GOLGA6L2: variants seen among roughly 807,000 people sequenced by gnomAD.
GOLGA6L2 encodes the protein golgin subfamily A member 6-like protein 2.
A neutral mutation model predicts 35.9 loss-of-function variants in GOLGA6L2; 30 were observed. The observed-to-expected ratio is 0.83, with a 90% confidence interval of 0.62 to 1.13. The LOEUF (loss-of-function observed/expected upper bound fraction) is 1.13. GOLGA6L2 is among the 50% of genes most tolerant of loss of function. The pLI is 0.00. For missense variants in GOLGA6L2, 821 were observed against 973.4 expected (o/e 0.84, Z 2.08); for synonymous variants, 297 against 344.0 (o/e 0.86, Z 1.51).
chr15:23,443,115 C>T (rs2070716204), intron 5 of GOLGA6L2, among the ~76,000 whole-genome samples: 1 of 152,164 alleles, frequency 6.6e-6, no homozygotes, highest in East Asian at 1.9e-4. Context: ...TAAATGGTTG[C>T]CTAAGATCAC....
Position 23,439,758 on chromosome 15 carries a change from T to G in GOLGA6L2, c.2717A>C (p.Gln906Pro), listed in dbSNP as rs1200477342. ...GTGTGGCTCATATTACAAAGAACTT[T>G]GGAGGGAGGGAGGCAGGGCTCTGAG... ...AVLRALPPSL[Q>P]SSL The change falls in exon 8 of 8, where the codon CAA becomes CCA. Residue 906 changes from glutamine (Q) to proline (P), a missense_variant. Physicochemically the swap from Gln to Pro is moderately conservative, Grantham distance 76. This residue lies in a region of GOLGA6L2 where 48 missense variants were observed against 42.7 expected (regional missense o/e 1.12). Coordinates refer to ENST00000567107, the MANE Select transcript of GOLGA6L2 (RefSeq NM_001304388.2). The G allele has an allele frequency of 3.3e-6, 5 of 1,535,782 alleles. No homozygotes were observed. In the African/African-American group the frequency reaches 4.1e-5, roughly 13 times the overall value.
chr15:23,443,855 C>T lies in GOLGA6L2; in HGVS notation c.513G>A (p.Leu171=). The T allele has an allele frequency of 1.3e-6, 2 of 1,540,726 alleles. No individual in the cohort carries two copies. Among genetic ancestry groups the T allele is most frequent in the Non-Finnish European group, 8.7e-7 (1 of 1,149,550 alleles). ...CTCCTGCAAAGTGCCAGGAATGATGCAAGCGGCCGGCGAGATCCTTGGACT... is the reference window on the plus strand; with the variant it reads ...CTCCTGCAAAGTGCCAGGAATGATGTAAGCGGCCGGCGAGATCCTTGGACT... ...PGESKDLAGR[L]HHSWHFAGEL... Residue 171 remains leucine, a synonymous_variant, in exon 5 of 8, where the codon TTG becomes TTA. Coordinates refer to ENST00000567107, the MANE Select transcript of GOLGA6L2 (RefSeq NM_001304388.2).
Position 23,439,455 on chromosome 15 carries a change from T to C in GOLGA6L2, c.*290A>G. On this transcript the variant is annotated 3_prime_UTR_variant, in exon 8 of 8. Coordinates refer to ENST00000567107, the MANE Select transcript of GOLGA6L2 (RefSeq NM_001304388.2). ...AAAGTAAATTTTCTTTTCTTTTTTTTTTTTTTTTTCAAGTTTGTGCTCAGA... is the reference window on the plus strand; with the variant it reads ...AAAGTAAATTTTCTTTTCTTTTTTTCTTTTTTTTTCAAGTTTGTGCTCAGA... 2.9e-6 allele frequency: 2 copies of C among 681,190 alleles called. No individual in the cohort carries two copies. Among genetic ancestry groups the C allele is most frequent in the South Asian group, 2.2e-5 (1 of 44,674 alleles). 42.2% of individuals were successfully genotyped at this position (681,190 alleles called of 1,614,324 possible).
intron 3 of GOLGA6L2, 92 bp downstream of exon 3, chr15:23,444,379 C>A: frequency 6.6e-7 from 1 of 1,506,850 alleles, no homozygotes; most frequent in South Asian, 1.1e-5. Flanking sequence ...GCCTTCTTCC[C>A]CAAGCTGGGA....
chr15:23,441,096 C>T lies in GOLGA6L2; in HGVS notation c.1379G>A (p.Arg460Gln), dbSNP rs1314297928. The part of the protein sequence containing the change: ...ERIREREKKM[R>Q]EEEETMREQE... ...CTCCCGCATCGTCTCCTCCTCTTCCCGCATCTTCTTCTCCCGCTCCCGTAT... is the reference window on the plus strand; with the variant it reads ...CTCCCGCATCGTCTCCTCCTCTTCCTGCATCTTCTTCTCCCGCTCCCGTAT... The change falls in exon 8 of 8, where the codon CGG becomes CAG. Residue 460 changes from arginine (R) to glutamine (Q), a missense_variant. By Grantham distance (43) the Arg-to-Gln change is conservative. Transcript: ENST00000567107. 18 of 1,531,140 alleles carry T rather than the reference C, an allele frequency of 1.2e-5. No homozygotes were observed. The East Asian group carries it at 1.2e-4, about 11-fold the overall frequency. 94.8% of individuals were successfully genotyped at this position (1,531,140 alleles called of 1,614,324 possible). A position where few individuals can be genotyped will look rare whatever the true frequency, so the allele number is the denominator to read the frequency against.
At chr15:23,442,414 C>T in intron 6 of GOLGA6L2, 36 bp downstream of exon 6, 1 of 1,552,144 alleles carries the variant, frequency 6.4e-7, no homozygotes, top group Non-Finnish European at 8.7e-7. Flanking sequence ...ACGCTAAGGG[C>T]CCCCAGACCT....
rs1566737159 is a variant in GOLGA6L2 at position 23,440,731 on chromosome 15, C to CTCCCACATCCTCTCCTCCTGG, written c.1723_1743dup (p.Pro575_Gly581dup). 3 of 1,511,254 alleles carry CTCCCACATCCTCTCCTCCTGG rather than the reference C, an allele frequency of 2.0e-6. No individual in the cohort carries two copies. The highest frequency in any genetic ancestry group is 2.5e-5 in the East Asian group (1 of 39,296). 93.6% of individuals were successfully genotyped at this position (1,511,254 alleles called of 1,614,324 possible). ...CCTTCTCCCGCAGCCTCTCGTCCTGCTCCCACATCCTCTCCTCCTGGTCCC... is the reference window on the plus strand; with the variant it reads ...CCTTCTCCCGCAGCCTCTCGTCCTGCTCCCACATCCTCTCCTCCTGGTCCCACATCCTCTCCTCCTGGTCCC... On this transcript the variant is annotated inframe_insertion, in exon 8 of 8. Coordinates refer to ENST00000567107, the MANE Select transcript of GOLGA6L2 (RefSeq NM_001304388.2).
chr15:23,443,417 T>G (rs1021579167), intron 5 of GOLGA6L2, among the ~76,000 whole-genome samples: 2 of 152,092 alleles, frequency 1.3e-5, no homozygotes, highest in Non-Finnish European at 2.9e-5. Flanking sequence ...TGCACACTTA[T>G]GTGTGTTCCC....
intron 4 of GOLGA6L2, 24 bp from the exon 5 acceptor site, chr15:23,444,097 T>C: frequency 4.4e-6 from 7 of 1,583,088 alleles, no homozygotes; most frequent in Non-Finnish European, 6.0e-6. Context: ...GACAAGCAAG[T>C]GCTGAAAGAG....
chr15:23,441,694 A>G lies in GOLGA6L2; in HGVS notation c.793-12T>C, dbSNP rs1188552226. The G allele has an allele frequency of 3.4e-6, 5 of 1,480,460 alleles. No homozygotes were observed. The East Asian group carries it at 7.4e-5, about 22-fold the overall frequency. 91.7% of individuals were successfully genotyped at this position (1,480,460 alleles called of 1,614,324 possible). A position where few individuals can be genotyped will look rare whatever the true frequency, so the allele number is the denominator to read the frequency against. On this transcript the variant is annotated splice_polypyrimidine_tract_variant and intron_variant, in intron 7 of 7. Coordinates refer to ENST00000567107, the MANE Select transcript of GOLGA6L2 (RefSeq NM_001304388.2). ...GTGTTGGTTTGAACCTCAAAAGGAAATAGACTTATGAACTAGCTATATAAA... is the reference window on the plus strand; with the variant it reads ...GTGTTGGTTTGAACCTCAAAAGGAAGTAGACTTATGAACTAGCTATATAAA...
In GOLGA6L2 at chr15:23,442,776, G is replaced by A. The variant is rs539421826; in HGVS notation, c.592-268C>T. ...CGCCCCATGACAACCTCTGCCTCCC[G>A]GGTTCAAGCAATTCTGCCTCAGCCT... On this transcript the variant is annotated intron_variant, in intron 5 of 7. Coordinates refer to ENST00000567107, the MANE Select transcript of GOLGA6L2 (RefSeq NM_001304388.2). Among the ~76,000 whole-genome samples the A allele has an allele frequency of 8.6e-5, 13 of 152,042 alleles. No homozygotes were observed. In the South Asian group the frequency reaches 2.7e-3, roughly 32 times the overall value.
At chr15:23,442,588 A>G (rs879338338) in intron 5 of GOLGA6L2, 80 bp from the exon 6 acceptor site, 299 of 1,296,186 alleles carry the variant, frequency 2.3e-4, no homozygotes, top group Non-Finnish European at 3.7e-5. Context: ...CTACACTGAT[A>G]CTCCACAGTA....
At chr15:23,442,813 G>A (rs1439719626) in intron 5 of GOLGA6L2, among the ~76,000 whole-genome samples, 2 of 152,096 alleles carry the variant, frequency 1.3e-5, no homozygotes, top group African/African-American at 4.8e-5. Context: ...CTAAGTAGCT[G>A]GGATTACAGG....
Position 23,439,801 on chromosome 15 carries a change from T to C in GOLGA6L2, c.2674A>G (p.Arg892Gly). The change falls in exon 8 of 8, where the codon AGA (arginine) becomes GGA (glycine). Residue 892 changes from arginine (R) to glycine (G), a missense_variant. This residue lies in a region of GOLGA6L2 where 48 missense variants were observed against 42.7 expected (regional missense o/e 1.12). Transcript: ENST00000567107. Reference sequence around the variant, plus strand: ...GCTCTGAGCACCGCTCCTCGTGCTCTGGCAGCCTCTCCTGCATCTTCTCTT... The same window carrying C: ...GCTCTGAGCACCGCTCCTCGTGCTCCGGCAGCCTCTCCTGCATCTTCTCTT... ...SEREDAGEAA[R>G]ARGAVLRALP... 2 of 1,535,130 alleles carry C rather than the reference T, an allele frequency of 1.3e-6. No individual in the cohort carries two copies. Among genetic ancestry groups the C allele is most frequent in the Non-Finnish European group, 1.7e-6 (2 of 1,146,492 alleles).
rs1480677635 is a variant in GOLGA6L2, at chr15:23,447,128, T to C, written c.54A>G (p.Arg18=). The C allele has an allele frequency of 6.3e-7, 1 of 1,575,272 alleles. No individual in the cohort carries two copies. ...PPHPMMSEKT[R]QNKLAEAKKK... ...TCTTGGCCTCAGCCAATTTGTTCTG[T>C]CTGGTTTTTTCTGACATCATGGGGT... Residue 18 remains arginine (R), a synonymous_variant, in exon 1 of 8, where the codon AGA becomes AGG. Coordinates refer to ENST00000567107, the MANE Select transcript of GOLGA6L2 (RefSeq NM_001304388.2).
intron 5 of GOLGA6L2, 42 bp downstream of exon 5, chr15:23,443,735 G>C: frequency 6.8e-7 from 1 of 1,462,116 alleles, no homozygotes; most frequent in Non-Finnish European, 9.3e-7. Flanking sequence ...CTCCATCTGC[G>C]AAGCTGGGAT....
In GOLGA6L2 at chr15:23,444,210, T is replaced by C; in HGVS notation, c.246A>G (p.Glu82=). 2 of 1,604,168 alleles carry C rather than the reference T, an allele frequency of 1.2e-6. No homozygotes were observed. ...CCTGATGTTGGTGGCTTGCCTTCTT[T>C]TCCTATAGAAAGAGGAAGACAGAGC... is the stretch of plus-strand genomic sequence containing the variant. ...TQQNRAQLKE[E]KKASHQHQEA... The change falls in exon 4 of 8, where the codon GAA becomes GAG. Residue 82 remains glutamate (E), a splice_region_variant and synonymous_variant. Transcript: ENST00000567107.
Position 23,441,561 on chromosome 15 carries a change from T to C in GOLGA6L2, c.914A>G (p.Gln305Arg). The change falls in exon 8 of 8, where the codon CAG (glutamine) becomes CGG (arginine). Residue 305 changes from glutamine (Q) to arginine (R), a missense_variant. By Grantham distance (43) the Gln-to-Arg change is conservative. Coordinates refer to ENST00000567107, the MANE Select transcript of GOLGA6L2 (RefSeq NM_001304388.2). ...MWRQEERLRE[Q>R]EGKMREQEEK... Reference sequence around the variant, plus strand: ...CTCCTGCTCCCGCATCTTCCCCTCCTGCTCCCGCAGTCTCTCCTCCTGTCT... The same window carrying C: ...CTCCTGCTCCCGCATCTTCCCCTCCCGCTCCCGCAGTCTCTCCTCCTGTCT... 6.7e-7 allele frequency: 1 copy of C among 1,481,956 alleles called. No individual in the cohort carries two copies. Among genetic ancestry groups the C allele is most frequent in the South Asian group, 1.2e-5 (1 of 81,064 alleles). 91.8% of individuals were successfully genotyped at this position (1,481,956 alleles called of 1,614,324 possible). A position where few individuals can be genotyped will look rare whatever the true frequency, so the allele number is the denominator to read the frequency against.
chr15:23,441,413 C>T lies in GOLGA6L2; in HGVS notation c.1062G>A (p.Glu354=). 1 of 1,534,066 alleles carries T rather than the reference C, an allele frequency of 6.5e-7. No homozygotes were observed. The highest frequency in any genetic ancestry group is 8.8e-7 in the Non-Finnish European group (1 of 1,141,082). The change falls in exon 8 of 8, where the codon GAG becomes GAA. Residue 354 remains glutamate (E), a synonymous_variant. Coordinates refer to ENST00000567107, the MANE Select transcript of GOLGA6L2 (RefSeq NM_001304388.2). ...REQEEQMQEQ[E]EKMWEQEEKM... ...TCTCCTCCTGCTCCCACATCTTCTCCTCCTGCTCCTGCATCTGCTCCTCCT... is the reference window on the plus strand; with the variant it reads ...TCTCCTCCTGCTCCCACATCTTCTCTTCCTGCTCCTGCATCTGCTCCTCCT...
Sources: gnomAD v4.1 joint callset for allele counts (sites outside exome capture counted in the v4.1 genomes callset) on GRCh38, gnomAD v4.1.1 for gene constraint, gnomAD v4.1.1 regional missense constraint, MANE v1.5 for transcripts, NCBI Gene and HGNC (gene_info 2026-07-23, HGNC 2026-07-21) for gene names.